Variants in SLC22A25 observed in about 807,000 individuals in gnomAD.
SLC22A25 encodes MGI:2442751, MGI:2385316, MGI:3042283, MGI:3645714, MGI:3605624, MGI:2442750.
Under a neutral mutation model 45.9 loss-of-function variants are expected in SLC22A25, and 44 were observed. That is an observed-to-expected ratio of 0.96 (90% CI 0.75 to 1.23). The LOEUF (loss-of-function observed/expected upper bound fraction) is 1.23. Among genes scored for constraint, SLC22A25 ranks in the 50% most tolerant of loss-of-function variants. The pLI, the probability that SLC22A25 is intolerant of heterozygous loss-of-function variation, is 0.00. For synonymous variants in SLC22A25, 283 were observed against 238.6 expected, an observed-to-expected ratio of 1.19 and a Z score of -1.72; for missense variants, 800 against 666.4, an observed-to-expected ratio of 1.20 and a Z score of -2.21.
intron 5 of SLC22A25, among the ~76,000 whole-genome samples, chr11:63,221,756 G>A (rs905326283): frequency 1.3e-5 from 2 of 152,090 alleles, no homozygotes; most frequent in African/African-American, 2.4e-5. Flanking sequence ...TAGTTTCATA[G>A]TTTGAGGTCT....
intron 5 of SLC22A25, among the ~76,000 whole-genome samples, chr11:63,218,748 A>G (rs1471959293): frequency 1.3e-5 from 2 of 152,170 alleles, no homozygotes; most frequent in Non-Finnish European, 2.9e-5. Flanking sequence ...TAAAAAAATA[A>G]AAAGGAAATT....
At chr11:63,217,252 C>T (rs2089735321) in intron 7 of SLC22A25, 62 bp downstream of exon 7, 2 of 1,545,028 alleles carry the variant, frequency 1.3e-6, no homozygotes, top group Non-Finnish European at 1.8e-6. Flanking sequence ...TTCATGTCCT[C>T]ATTCCATGTA....
intron 9 of SLC22A25, among the ~76,000 whole-genome samples, chr11:63,174,901 G>A (rs183150962): frequency 6.6e-6 from 1 of 152,006 alleles, no homozygotes; most frequent in African/African-American, 2.4e-5. Flanking sequence ...TTGTCCTTCT[G>A]TCCTGGCATA....
intron 9 of SLC22A25, among the ~76,000 whole-genome samples, chr11:63,170,078 T>C (rs2087825556): frequency 1.3e-5 from 2 of 151,848 alleles, no homozygotes; most frequent in South Asian, 4.2e-4. Context: ...GGGTAAATAA[T>C]GAAGTAAAGA....
rs148517822 is a variant in SLC22A25 at position 63,164,619 on chromosome 11, C to A, written c.1301G>T (p.Arg434Leu). ...CACACCCAGGGTTGCCAAAACCACA[C>A]GCAGGGTCTGCATTTCTGGAGAAAG... ...IFVPQEMQTL[R>L]VVLATLGVGA... The change falls in exon 11 of 12, where the codon CGT becomes CTT. Residue 434 changes from arginine (R) to leucine (L), a missense_variant. Transcript: ENST00000306494. 46 of 1,613,698 alleles carry A rather than the reference C, an allele frequency of 2.9e-5. No homozygotes were observed. Among genetic ancestry groups the A allele is most frequent in the Middle Eastern group, 3.3e-4 (2 of 6,040 alleles).
chr11:63,170,990 G>C (rs2087860853), intron 9 of SLC22A25, among the ~76,000 whole-genome samples: 1 of 152,156 alleles, frequency 6.6e-6, no homozygotes, highest in African/African-American at 2.4e-5. Context: ...TTATCCCTGG[G>C]ATGCAAGGCT....
intron 7 of SLC22A25, among the ~76,000 whole-genome samples, chr11:63,215,803 A>T (rs2089694427): frequency 6.6e-6 from 1 of 151,766 alleles, no homozygotes; most frequent in Non-Finnish European, 1.5e-5. Flanking sequence ...CCCAGTGTTT[A>T]TTGTTTTCTT....
At chr11:63,241,811 A>G (rs536600350) in intron 1 of SLC22A25, among the ~76,000 whole-genome samples, 7 of 152,330 alleles carry the variant, frequency 4.6e-5, no homozygotes, top group Non-Finnish European at 1.0e-4. Flanking sequence ...GTGAGGCACA[A>G]CATTGGTGGG....
chr11:63,210,130 CT>C (rs1034305556), intron 7 of SLC22A25, among the ~76,000 whole-genome samples: 32 of 151,888 alleles, frequency 2.1e-4, no homozygotes, highest in Non-Finnish European at 3.5e-4. Flanking sequence ...ATTCCAGAGG[CT>C]CCTGAAAACC....
intron 7 of SLC22A25, among the ~76,000 whole-genome samples, chr11:63,195,901 TA>T (rs895306953): frequency 2.3e-4 from 35 of 152,014 alleles, no homozygotes; most frequent in African/African-American, 8.4e-4. Context: ...ATAGACGCAA[TA>T]AAAAATGACA....
intron 5 of SLC22A25, 60 bp from the exon 6 acceptor site, chr11:63,217,795 A>G: frequency 6.5e-7 from 1 of 1,536,886 alleles, no homozygotes. Flanking sequence ...AAATGTTAGC[A>G]AAGGGAAAGC....
rs118140791 is a variant in SLC22A25, at chr11:63,183,790, G to A, written c.858C>T (p.Leu286=). 8.6e-3 allele frequency: 13,874 copies of A among 1,612,940 alleles called. 123 individuals are homozygous for A. The highest frequency in any genetic ancestry group is 0.021 in the Middle Eastern group (125 of 6,052). ...SRWLAESARW[L]IINNKPEEGL... is the part of the protein sequence containing the mutation. ...CCTCTTCTGGTTTGTTGTTGATAAT[G>A]AGCCACCGAGCAGACTCTGCCAGCC... The change falls in exon 8 of 12, where the codon CTC becomes CTT. Residue 286 remains leucine (L), a synonymous_variant. Coordinates refer to ENST00000306494, the MANE Select transcript of SLC22A25 (RefSeq NM_199352.6).
chr11:63,202,928 T>C (rs143838174), intron 7 of SLC22A25, among the ~76,000 whole-genome samples: 3,314 of 152,250 alleles, frequency 0.022, 122 homozygotes, highest in African/African-American at 0.075. Context: ...ATCTGGCAGG[T>C]GCCCCTCTGG....
At chr11:63,173,626 C>T (rs1223400903) in intron 9 of SLC22A25, among the ~76,000 whole-genome samples, 1 of 152,102 alleles carries the variant, frequency 6.6e-6, no homozygotes, top group Non-Finnish European at 1.5e-5. Flanking sequence ...GGGTTTGTGA[C>T]TTTCCCAGTG....
intron 7 of SLC22A25, among the ~76,000 whole-genome samples, chr11:63,194,416 G>A (rs187685669): frequency 1.7e-4 from 25 of 150,830 alleles, no homozygotes; most frequent in African/African-American, 2.7e-4. Context: ...GAGAAAGGTC[G>A]GGTAAAGAAA....
chr11:63,195,608 T>G (rs921384397), intron 7 of SLC22A25, among the ~76,000 whole-genome samples: 2 of 151,750 alleles, frequency 1.3e-5, no homozygotes, highest in African/African-American at 4.8e-5. Context: ...CAAAGCAGTG[T>G]GTAGAGGGAA....
At chr11:63,182,108 A>T (rs148370462) in intron 8 of SLC22A25, among the ~76,000 whole-genome samples, 6 of 152,070 alleles carry the variant, frequency 3.9e-5, no homozygotes, top group Non-Finnish European at 8.8e-5. Context: ...GAATAAGACC[A>T]CACACATATG....
At chr11:63,226,002 A>G (rs1035330724) in intron 5 of SLC22A25, among the ~76,000 whole-genome samples, 1 of 152,088 alleles carries the variant, frequency 6.6e-6, no homozygotes, top group East Asian at 1.9e-4. Context: ...AATTATTTCA[A>G]TGTGTTTGGT....
intron 7 of SLC22A25, among the ~76,000 whole-genome samples, chr11:63,193,829 A>T (rs904171482): frequency 6.6e-6 from 1 of 152,248 alleles, no homozygotes; most frequent in African/African-American, 2.4e-5. Context: ...AGTTGACAGA[A>T]GTAGGCTTCA....
Sources: allele counts gnomAD v4.1 joint callset (sites outside exome capture counted in the v4.1 genomes callset), GRCh38; gene constraint gnomAD v4.1.1; transcripts MANE v1.5; gene names NCBI Gene and HGNC (gene_info 2026-07-23, HGNC 2026-07-21).